The following KDM2A variants were observed in gnomAD, a reference collection of about 807,000 sequenced individuals.
KDM2A encodes the protein lysine demethylase 2A, also known as lysine-specific demethylase 2A.
A neutral mutation model predicts 137.3 loss-of-function variants in KDM2A; 3 were observed. The observed-to-expected ratio is 0.02, with a 90% CI of 0.01 to 0.06. The LOEUF is 0.06. Ranked by LOEUF, KDM2A falls within the 10% of genes least tolerant of loss-of-function variation. KDM2A has a pLI of 1.00. For synonymous variants in KDM2A, 512 were observed against 541.5 expected, an observed-to-expected ratio of 0.95 and a Z score of 0.76; for missense variants, 738 against 1,510.6, an observed-to-expected ratio of 0.49 and a Z score of 8.48.
chr11:67,203,459 A>G (rs944321059), intron 5 of KDM2A, among the ~76,000 whole-genome samples: 1 of 4,530 alleles, frequency 2.2e-4, no homozygotes, highest in African/African-American at 4.0e-4. Context: ...AATTATATTT[A>G]TTAATTATTA....
At chr11:67,205,956 A>C (rs1380056880) in intron 5 of KDM2A, among the ~76,000 whole-genome samples, 2 of 152,176 alleles carry the variant, frequency 1.3e-5, no homozygotes, top group Admixed American at 1.3e-4. Flanking sequence ...TCAGTCTAAT[A>C]AAAATATGAT....
chr11:67,165,117 A>G (rs1286007970), intron 2 of KDM2A, among the ~76,000 whole-genome samples: 1 of 151,126 alleles, frequency 6.6e-6, no homozygotes, highest in Non-Finnish European at 1.5e-5. Context: ...GTAATTTAGA[A>G]TACCAACTTT....
In KDM2A at chr11:67,139,832, CTG is replaced by C. The variant is rs1329359351; in HGVS notation, c.42+18475_42+18476del. 9.0e-4 allele frequency among the ~76,000 whole-genome samples: 137 copies of C among 152,122 alleles called. 1 individual carries two copies. Among genetic ancestry groups the C allele is most frequent in the Non-Finnish European group, 9.7e-4 (66 of 67,954 alleles). On this transcript the variant is annotated intron_variant, in intron 2 of 20. Transcript: ENST00000529006. ...TCAAGTGATTCTTCTGCCTCAGGTC[CTG>C]AGTAGCTGGGATTAGAGGCATGTGC...
intron 2 of KDM2A, among the ~76,000 whole-genome samples, chr11:67,129,587 A>G (rs1037534942): frequency 1.3e-5 from 2 of 152,030 alleles, no homozygotes; most frequent in Non-Finnish European, 2.9e-5. Context: ...ACAAAAAATT[A>G]GCCGGGCGTG....
chr11:67,247,077 T>TATAA (rs1198408004), intron 15 of KDM2A, among the ~76,000 whole-genome samples: 99 of 72,772 alleles, frequency 1.4e-3, no homozygotes, highest in African/African-American at 3.0e-3. Flanking sequence ...ATATATTTTT[T>TATAA]TTTTTTTTTT....
rs1031445779 is a variant in KDM2A at position 67,255,563 on chromosome 11, C to T, written c.*508C>T. On this transcript the variant is annotated 3_prime_UTR_variant, in exon 21 of 21. Transcript: ENST00000529006. ...GAGGGGCCAGCAGCCCCAGGAGTCC[C>T]AGACCCGTGCCGATCACACTGGTGC... The T allele has an allele frequency of 4.4e-6, 2 of 456,716 alleles. No homozygotes were observed. The highest frequency in any genetic ancestry group is 2.0e-5 in the African/African-American group (1 of 50,068). The allele number at this position is 456,716 out of a possible 1,614,324, so 28.3% of individuals were successfully genotyped here.
At chr11:67,196,084 A>C in intron 5 of KDM2A, 1 of 395,488 alleles carries the variant, frequency 2.5e-6, no homozygotes, top group South Asian at 1.9e-5. Flanking sequence ...AAGCTGAGTC[A>C]CACGAACATA....
At chr11:67,226,047 A>G (rs1402466854) in intron 10 of KDM2A, among the ~76,000 whole-genome samples, 2 of 152,124 alleles carry the variant, frequency 1.3e-5, no homozygotes, top group African/African-American at 4.8e-5. Flanking sequence ...CCTGGGCAAC[A>G]AGAACAAAAC....
intron 2 of KDM2A, among the ~76,000 whole-genome samples, chr11:67,170,823 C>T (rs1286918697): frequency 6.6e-6 from 1 of 152,100 alleles, no homozygotes. Context: ...TCGTCCTTGA[C>T]AATTTCTTCC....
At chr11:67,248,467 T>C in intron 16 of KDM2A, 97 bp downstream of exon 16, 1 of 742,794 alleles carries the variant, frequency 1.3e-6, no homozygotes, top group Non-Finnish European at 2.3e-6. Flanking sequence ...TTCACACAGT[T>C]TCTCTGACCT....
chr11:67,225,524 A>T (rs981143016), intron 10 of KDM2A, among the ~76,000 whole-genome samples: 3 of 151,960 alleles, frequency 2.0e-5, no homozygotes, highest in Admixed American at 1.3e-4. Flanking sequence ...TAATCCCAGC[A>T]CTTTGGGAGG....
chr11:67,201,284 T>A (rs527538113), intron 5 of KDM2A, among the ~76,000 whole-genome samples: 1 of 151,814 alleles, frequency 6.6e-6, no homozygotes, highest in Non-Finnish European at 1.5e-5. Flanking sequence ...ATTCTGCTGG[T>A]AAATCTGGAC....
At chr11:67,227,617 T>G (rs1312437697) in intron 10 of KDM2A, among the ~76,000 whole-genome samples, 2 of 152,172 alleles carry the variant, frequency 1.3e-5, no homozygotes, top group African/African-American at 4.8e-5. Context: ...TAGCCCAGAC[T>G]GGAGTGCAGA....
chr11:67,168,564 AC>A (rs1856800220), intron 2 of KDM2A, among the ~76,000 whole-genome samples: 1 of 43,352 alleles, frequency 2.3e-5, no homozygotes, highest in African/African-American at 8.7e-5. Flanking sequence ...ACACACACAC[AC>A]AGTCTTGTAT....
chr11:67,141,395 G>C (rs1388012762), intron 2 of KDM2A, among the ~76,000 whole-genome samples: 1 of 151,754 alleles, frequency 6.6e-6, no homozygotes, highest in Non-Finnish European at 1.5e-5. Flanking sequence ...GGCCGGGCGC[G>C]GTGGCTCACG....
intron 12 of KDM2A, among the ~76,000 whole-genome samples, chr11:67,236,216 C>T (rs11819783): frequency 0.075 from 11,387 of 152,168 alleles, 687 homozygotes; most frequent in African/African-American, 0.17. Flanking sequence ...CTGCAGCCTC[C>T]GCCTGTCGGG....
chr11:67,148,527 G>C (rs184173344), intron 2 of KDM2A, among the ~76,000 whole-genome samples: 1 of 152,048 alleles, frequency 6.6e-6, no homozygotes, highest in African/African-American at 2.4e-5. Flanking sequence ...CCGGCCGGGC[G>C]TGGTGGCTCA....
At chr11:67,140,523 G>T (rs1465327500) in intron 2 of KDM2A, among the ~76,000 whole-genome samples, 1 of 152,006 alleles carries the variant, frequency 6.6e-6, no homozygotes, top group Non-Finnish European at 1.5e-5. Context: ...AGGTGGAAGC[G>T]GGTGGATCAC....
intron 5 of KDM2A, among the ~76,000 whole-genome samples, chr11:67,200,070 G>A (rs1857579564): frequency 6.6e-6 from 1 of 152,148 alleles, no homozygotes; most frequent in African/African-American, 2.4e-5. Flanking sequence ...CTGTTTTACA[G>A]CATGGTTTAC....
Sources: gnomAD v4.1 joint callset for allele counts (sites outside exome capture counted in the v4.1 genomes callset) on GRCh38, gnomAD v4.1.1 for gene constraint, MANE v1.5 for transcripts, NCBI Gene and HGNC (gene_info 2026-07-23, HGNC 2026-07-21) for gene names.